The following ERCC2 variants were observed in gnomAD, a reference collection of about 807,000 sequenced individuals.
The protein encoded by ERCC2 is general transcription and DNA repair factor IIH helicase subunit XPD.
ERCC2 carries 90 observed loss-of-function variants against 99.4 expected under a neutral mutation model. The observed-to-expected ratio is 0.91, with a 90% CI of 0.76 to 1.08. ERCC2 has a LOEUF of 1.08. ERCC2 is among the 50% of genes least tolerant of loss of function. ERCC2 has a pLI of 0.00. For missense variants in ERCC2, 993 were observed against 1,038.1 expected (o/e 0.96, Z 0.60); for synonymous variants, 497 against 432.4 (o/e 1.15, Z -1.85).
intron 22 of ERCC2, 89 bp from the exon 23 acceptor site, chr19:45,351,810 G>A (rs1313478680): frequency 1.8e-6 from 2 of 1,126,646 alleles, no homozygotes; most frequent in Admixed American, 1.8e-5. Context: ...CCCCCGAATG[G>A]CCAGTAGGGA....
rs575010668 is a variant in ERCC2 at position 45,357,083 on chromosome 19, G to A, written c.1479+187C>T. Among the ~76,000 whole-genome samples, 86 of 152,330 alleles carry A rather than the reference G, an allele frequency of 5.6e-4. 1 individual carries two copies. Among genetic ancestry groups the A allele is most frequent in the Admixed American group, 1.6e-3 (25 of 15,304 alleles). ...GAGGATACATTCCCATTTCACAGAT[G>A]AGAAAACTGAGGCTTGAGAGTCGAG... On this transcript the variant is annotated intron_variant, in intron 15 of 22. Coordinates refer to ENST00000391945, the MANE Select transcript of ERCC2 (RefSeq NM_000400.4).
Position 45,350,808 on chromosome 19 carries a change from C to T in ERCC2, c.*821G>A, listed in dbSNP as rs1971717975. ...TCAGCAGAATCCACAGCCCACCCCA[C>T]CCCCACCCCCATCTTGCTCAAGAAC... is the stretch of plus-strand genomic sequence containing the variant. On this transcript the variant is annotated 3_prime_UTR_variant, in exon 23 of 23. Transcript: ENST00000391945. The T allele has an allele frequency of 3.0e-6, 4 of 1,334,526 alleles. No individual in the cohort carries two copies. The Admixed American group carries it at 5.9e-5, about 20-fold the overall frequency. 82.7% of individuals were successfully genotyped at this position (1,334,526 alleles called of 1,614,324 possible). A position where few individuals can be genotyped will look rare whatever the true frequency, so the allele number is the denominator to read the frequency against.
chr19:45,359,492 C>T (rs1972134185), intron 12 of ERCC2, among the ~76,000 whole-genome samples: 1 of 152,222 alleles, frequency 6.6e-6, no homozygotes, highest in Non-Finnish European at 1.5e-5. Flanking sequence ...AGCCCCTGGT[C>T]AGCTTCACGC....
chr19:45,368,682 G>C lies in ERCC2; in HGVS notation c.308C>G (p.Pro103Arg), dbSNP rs142462393. Residue 103 changes from proline (P) to arginine (R), a missense_variant, in exon 5 of 23, where the codon CCG becomes CGG. Physicochemically the swap from Pro to Arg is moderately radical, Grantham distance 103 (BLOSUM62 -2). Around this residue, in one of 3 missense-constraint regions of ERCC2, gnomAD observed 909 missense variants for 930.8 expected, o/e 0.98. Coordinates refer to ENST00000391945, the MANE Select transcript of ERCC2 (RefSeq NM_000400.4). ...GGAGCTCAGAGCCAGTCCCAGAAAC[G>C]GCAGCTTCTCGCCCTCCTGCTTCTC... is the stretch of plus-strand genomic sequence containing the variant. ...FYEKQEGEKL[P>R]FLGLALSSRK... The C allele has an allele frequency of 3.7e-6, 6 of 1,614,036 alleles. No individual in the cohort carries two copies. The highest frequency in any genetic ancestry group is 4.5e-5 in the East Asian group (2 of 44,894).
chr19:45,370,336 C>A, intron 1 of ERCC2, 104 bp from the exon 2 acceptor site: 2 of 1,543,320 alleles, frequency 1.3e-6, no homozygotes, highest in Middle Eastern at 2.1e-4. Flanking sequence ...GCCCGGCGCC[C>A]CCGGTAACCC....
chr19:45,354,990 G>C, intron 16 of ERCC2, 139 bp from the exon 17 acceptor site: 1 of 1,095,350 alleles, frequency 9.1e-7, no homozygotes, highest in South Asian at 1.3e-5. Flanking sequence ...CTCCTCCCGG[G>C]CGTGTCTGAG....
chr19:45,353,262 C>A lies in ERCC2; in HGVS notation c.1738G>T (p.Ala580Ser), dbSNP rs751318902. Residue 580 changes from alanine to serine, a missense_variant, in exon 18 of 23, where the codon GCC becomes TCC. Coordinates refer to ENST00000391945, the MANE Select transcript of ERCC2 (RefSeq NM_000400.4). ...CCCACCTCCTGGTACTTCTCCAGGG[C>A]GACACTGGTTTCGGCACCATCCTGG... ...ETQDGAETSV[A>S]LEKYQEACEN... The A allele has an allele frequency of 6.2e-7, 1 of 1,613,774 alleles. No individual in the cohort carries two copies. Among genetic ancestry groups the A allele is most frequent in the Admixed American group, 1.7e-5 (1 of 59,984 alleles).
chr19:45,367,396 CACACAT>C (rs1349726504), intron 5 of ERCC2, among the ~76,000 whole-genome samples: 294 of 146,712 alleles, frequency 2.0e-3, no homozygotes, highest in African/African-American at 6.8e-3. Context: ...CACACACACA[CACACAT>C]ATAAAAACAT....
chr19:45,361,810 C>T (rs1254087911), intron 11 of ERCC2, 168 bp from the exon 12 acceptor site: 4 of 665,910 alleles, frequency 6.0e-6, no homozygotes, highest in Admixed American at 4.2e-5. Flanking sequence ...ACGCTGTACA[C>T]CTGCATGTCA....
At chr19:45,360,374 G>A (rs1394072326) in intron 12 of ERCC2, among the ~76,000 whole-genome samples, 8 of 114,338 alleles carry the variant, frequency 7.0e-5, no homozygotes, top group East Asian at 4.8e-4. Context: ...AAACCACCAC[G>A]CCCGGCCTTT....
rs1383411854 is a variant in ERCC2 at position 45,363,910 on chromosome 19, C to G, written c.951G>C (p.Glu317Asp). ...NPVLPDEVLQEAVPGSIRTAE... is the reference protein window; with the variant it reads ...NPVLPDEVLQDAVPGSIRTAE... Reference sequence around the variant, plus strand: ...CCGTGCGGATGGAGCCAGGCACTGCCTCTGCGAGGAGACGCTATCAGCGGC... The same window carrying G: ...CCGTGCGGATGGAGCCAGGCACTGCGTCTGCGAGGAGACGCTATCAGCGGC... The change falls in exon 11 of 23, where the codon GAG becomes GAC. Residue 317 changes from glutamate (E) to aspartate (D), a missense_variant and splice_region_variant. By Grantham distance (45) the Glu-to-Asp change is conservative. Around this residue, in one of 3 missense-constraint regions of ERCC2, gnomAD observed 909 missense variants for 930.8 expected, o/e 0.98. Transcript: ENST00000391945. 1.4e-5 allele frequency: 21 copies of G among 1,543,976 alleles called. No homozygotes were observed. The highest frequency in any genetic ancestry group is 1.7e-5 in the Non-Finnish European group (20 of 1,151,394).
Position 45,357,677 on chromosome 19 carries a change from G to C in ERCC2, c.1260C>G (p.Pro420=). ...CAATGGTCGGGGTTCTGTCGTCAAA[G>C]GGCTCGATGATGATGGTGAAGCCTG... ...YAKGFTIIIE[P]FDDRTPTIAN... The change falls in exon 13 of 23, where the codon CCC becomes CCG. Residue 420 remains proline, a synonymous_variant. Transcript: ENST00000391945. The C allele has an allele frequency of 6.2e-7, 1 of 1,613,986 alleles. No individual in the cohort carries two copies. The highest frequency in any genetic ancestry group is 8.5e-7 in the Non-Finnish European group (1 of 1,180,012).
In ERCC2 at chr19:45,357,193, G is replaced by A. The variant is rs997714659; in HGVS notation, c.1479+77C>T. On this transcript the variant is annotated intron_variant, in intron 15 of 22. Transcript: ENST00000391945. ...TGTAAAGCTCTCCTGCCTGAGCAGT[G>A]GGGGAAGCCAAGGAAGGAGGGCGGC... 3.0e-5 allele frequency: 31 copies of A among 1,042,248 alleles called. No homozygotes were observed. In the African/African-American group the frequency reaches 4.9e-4, roughly 16 times the overall value. The allele number at this position is 1,042,248 out of a possible 1,614,324, so 64.6% of individuals were successfully genotyped here.
At chr19:45,354,052 G>A (rs1790193490) in intron 17 of ERCC2, among the ~76,000 whole-genome samples, 1 of 152,190 alleles carries the variant, frequency 6.6e-6, no homozygotes, top group South Asian at 2.1e-4. Flanking sequence ...TCCTGGCTGT[G>A]AGGATGACGT....
rs1568541609 is a variant in ERCC2, at chr19:45,363,784, G to GC, written c.1076dup (p.Ser359ArgfsTer19). On this transcript the variant is annotated frameshift_variant, in exon 11 of 23. Coordinates refer to ENST00000391945, the MANE Select transcript of ERCC2 (RefSeq NM_000400.4). LOFTEE classifies it high-confidence loss of function. ...GGATGCACACGCGCTGGGCCAGGCC[G>GC]CTCAGGAAGGCGGGCGGGCTCTCCT... is the stretch of plus-strand genomic sequence containing the variant. 6.5e-7 allele frequency: 1 copy of GC among 1,538,420 alleles called. No homozygotes were observed. The highest frequency in any genetic ancestry group is 2.4e-5 in the East Asian group (1 of 41,080).
chr19:45,357,622 G>T lies in ERCC2; in HGVS notation c.1307+8C>A. The T allele has an allele frequency of 6.2e-7, 1 of 1,614,106 alleles. No individual in the cohort carries two copies. The highest frequency in any genetic ancestry group is 8.5e-7 in the Non-Finnish European group (1 of 1,179,972). ...GAGCATTCACACCCTCACCGGGCAG[G>T]GTCCCACCTGAAGTGCAGGATGGGG... is the stretch of plus-strand genomic sequence containing the variant. On this transcript the variant is annotated splice_region_variant and intron_variant, in intron 13 of 22. Coordinates refer to ENST00000391945, the MANE Select transcript of ERCC2 (RefSeq NM_000400.4).
At chr19:45,369,019 C>T (rs758834483) in intron 3 of ERCC2, 27 bp from the exon 4 acceptor site, 4 of 1,613,904 alleles carry the variant, frequency 2.5e-6, no homozygotes, top group Admixed American at 1.7e-5. Flanking sequence ...GACTCAGTCC[C>T]TGTCCCGCCC....
In ERCC2 at chr19:45,354,673, C is replaced by A. The variant is rs1599728858; in HGVS notation, c.1665+57G>T. The A allele has an allele frequency of 1.0e-5, 16 of 1,606,168 alleles. No individual in the cohort carries two copies. The East Asian group carries it at 3.6e-4, about 36-fold the overall frequency. ...TGTGAGAGGAATGAAGCTGACATAG[C>A]GGTGCAGTGCCAGGGACTGAGGAGA... On this transcript the variant is annotated intron_variant, in intron 17 of 22. Transcript: ENST00000391945.
In ERCC2 at chr19:45,351,321, C is replaced by A; in HGVS notation, c.*308G>T. 1.9e-6 allele frequency: 3 copies of A among 1,612,188 alleles called. No individual in the cohort carries two copies. Among genetic ancestry groups the A allele is most frequent in the African/African-American group, 1.3e-5 (1 of 74,998 alleles). On this transcript the variant is annotated 3_prime_UTR_variant, in exon 23 of 23. Coordinates refer to ENST00000391945, the MANE Select transcript of ERCC2 (RefSeq NM_000400.4). ...GGCACCTGGACAAGGCCCCTCGGACCCTCAGCGCCAGCACCCAGGACCTGA... is the reference window on the plus strand; with the variant it reads ...GGCACCTGGACAAGGCCCCTCGGACACTCAGCGCCAGCACCCAGGACCTGA...
Sources: gnomAD v4.1 joint callset for allele counts (sites outside exome capture counted in the v4.1 genomes callset) on GRCh38, gnomAD v4.1.1 for gene constraint, gnomAD v4.1.1 regional missense constraint, MANE v1.5 for transcripts, NCBI Gene and HGNC (gene_info 2026-07-23, HGNC 2026-07-21) for gene names.